DOCK1: variants seen among roughly 807,000 people sequenced by gnomAD.
The protein encoded by DOCK1 is dedicator of cytokinesis 1, also known as dedicator of cytokinesis protein 1.
DOCK1 carries 138 observed loss-of-function variants against 262.7 expected under a neutral mutation model. The ratio of observed to expected loss-of-function variants is 0.53; its 90% CI spans 0.46 to 0.61. The LOEUF (loss-of-function observed/expected upper bound fraction) is 0.61, where lower values mean the gene tolerates loss of function less well. Ranked by LOEUF, DOCK1 falls within the 20% of genes least tolerant of loss-of-function variation. The pLI is 0.00. For synonymous variants in DOCK1, 866 were observed against 867.4 expected (o/e 1.00, Z 0.03); for missense variants, 1,908 against 2,370.7 (o/e 0.80, Z 4.05).
At chr10:127,387,768 A>G (rs1419212609) in intron 38 of DOCK1, among the ~76,000 whole-genome samples, 1 of 152,202 alleles carries the variant, frequency 6.6e-6, no homozygotes, top group African/African-American at 2.4e-5. Flanking sequence ...ATGAAAAGTC[A>G]GCATTTAACA....
chr10:127,041,208 C>A (rs1345560822), intron 19 of DOCK1, among the ~76,000 whole-genome samples: 1 of 152,206 alleles, frequency 6.6e-6, no homozygotes, highest in Non-Finnish European at 1.5e-5. Flanking sequence ...ACTGATTCTC[C>A]TGCCTCAGCC....
At position 127,254,296 on chromosome 10, in the gene DOCK1, A is replaced by G. The variant is rs116992209; in HGVS notation, c.2950-3039A>G. 3.2e-3 allele frequency among the ~76,000 whole-genome samples: 493 copies of G among 152,240 alleles called. 19 individuals are homozygous for G. The East Asian group carries it at 0.074, about 23-fold the overall frequency. On this transcript the variant is annotated intron_variant, in intron 28 of 51. Coordinates refer to ENST00000623213, the MANE Select transcript of DOCK1 (RefSeq NM_001290223.2). The stretch of plus-strand genomic sequence containing the variant: ...GTTTTTTTGAAGAGACCAATCCATT[A>G]GCTTTTGTAGACTATCTCCCATTCT...
At chr10:127,398,833 G>A (rs367968026) in intron 38 of DOCK1, among the ~76,000 whole-genome samples, 2 of 152,160 alleles carry the variant, frequency 1.3e-5, no homozygotes, top group South Asian at 4.1e-4. Flanking sequence ...ATCTGCTGCT[G>A]TTCCCTTGTC....
rs188536576 is a variant in DOCK1 at position 127,306,304 on chromosome 10, C to T, written c.3045-32702C>T. Among the ~76,000 whole-genome samples, 26 of 152,162 alleles carry T rather than the reference C, an allele frequency of 1.7e-4. No individual in the cohort carries two copies. The East Asian group carries it at 3.5e-3, about 20-fold the overall frequency. ...TGCTGGGATTACAGGTGTGAGCCAC[C>T]GTGACCGGCCCATTTTATGCATATT... On this transcript the variant is annotated intron_variant, in intron 29 of 51. Transcript: ENST00000623213.
chr10:126,952,599 G>A (rs1016152913), intron 1 of DOCK1, among the ~76,000 whole-genome samples: 1 of 151,726 alleles, frequency 6.6e-6, no homozygotes, highest in Non-Finnish European at 1.5e-5. Context: ...GGTACTGTTG[G>A]TGATGTTATT....
intron 40 of DOCK1, among the ~76,000 whole-genome samples, 175 bp downstream of exon 40, chr10:127,404,604 G>C (rs550061156): frequency 6.6e-6 from 1 of 152,252 alleles, no homozygotes; most frequent in South Asian, 2.1e-4. Flanking sequence ...GATTTTATTT[G>C]GTTGCATATA....
Position 127,362,100 on chromosome 10 carries a change from G to A in DOCK1, c.3320G>A (p.Gly1107Asp). Reference sequence around the variant, plus strand: ...ATAAAGTTCATTCCAGAAATGGTGGGCCCAATATTAGAAATGACATTAATT... The same window carrying A: ...ATAAAGTTCATTCCAGAAATGGTGGACCCAATATTAGAAATGACATTAATT... Reference protein sequence around the residue: ...HKIKFIPEMVGPILEMTLIPE... With the variant: ...HKIKFIPEMVDPILEMTLIPE... The change falls in exon 33 of 52, where the codon GGC becomes GAC. Residue 1107 changes from glycine (G) to aspartate (D), a missense_variant. Coordinates refer to ENST00000623213, the MANE Select transcript of DOCK1 (RefSeq NM_001290223.2). 2 of 1,613,110 alleles carry A rather than the reference G, an allele frequency of 1.2e-6. No homozygotes were observed. Among genetic ancestry groups the A allele is most frequent in the Non-Finnish European group, 1.7e-6 (2 of 1,179,666 alleles).
At chr10:127,272,852 T>G (rs2060617958) in intron 29 of DOCK1, among the ~76,000 whole-genome samples, 1 of 152,168 alleles carries the variant, frequency 6.6e-6, no homozygotes, top group African/African-American at 2.4e-5. Context: ...GCATGGAAAC[T>G]CTTCTTTTTA....
chr10:127,363,129 T>C (rs970812705), intron 33 of DOCK1, among the ~76,000 whole-genome samples: 1 of 139,572 alleles, frequency 7.2e-6, no homozygotes, highest in Admixed American at 7.5e-5. Flanking sequence ...CTTAGTGTAC[T>C]AATGGTTTGG....
chr10:127,101,422 G>A (rs2048239735), intron 23 of DOCK1, among the ~76,000 whole-genome samples: 1 of 152,206 alleles, frequency 6.6e-6, no homozygotes, highest in Non-Finnish European at 1.5e-5. Flanking sequence ...AGGACTGATA[G>A]CAGATGCGGG....
intron 14 of DOCK1, 77 bp from the exon 15 acceptor site, chr10:127,024,608 C>A (rs541663058): frequency 6.5e-6 from 8 of 1,237,028 alleles, no homozygotes; most frequent in African/African-American, 3.0e-5. Context: ...CCTGTCCCCC[C>A]ACATATATAG....
chr10:127,283,567 A>G (rs570525618), intron 29 of DOCK1, among the ~76,000 whole-genome samples: 10 of 152,108 alleles, frequency 6.6e-5, no homozygotes, highest in Non-Finnish European at 1.0e-4. Flanking sequence ...TATGGTTGCA[A>G]CTCTTCCCAG....
At position 127,207,769 on chromosome 10, in the gene DOCK1, A is replaced by G. The variant is rs146657319; in HGVS notation, c.2848-40239A>G. 2.3e-3 allele frequency among the ~76,000 whole-genome samples: 356 copies of G among 152,350 alleles called. 3 individuals are homozygous for G. In the Middle Eastern group the frequency reaches 0.027, roughly 12 times the overall value. On this transcript the variant is annotated intron_variant, in intron 27 of 51. Transcript: ENST00000623213. ...TGAAGCAGGGAAGCAGCTGTAGAGA[A>G]TATGTAGACAAATGGGCAACTACTG...
At chr10:126,976,110 G>A (rs2038520710) in intron 2 of DOCK1, among the ~76,000 whole-genome samples, 1 of 152,190 alleles carries the variant, frequency 6.6e-6, no homozygotes, top group African/African-American at 2.4e-5. Flanking sequence ...TCATTCAACT[G>A]ACCTTTCTTT....
At chr10:127,392,971 A>G (rs1219703319) in intron 38 of DOCK1, among the ~76,000 whole-genome samples, 1 of 152,180 alleles carries the variant, frequency 6.6e-6, no homozygotes. Flanking sequence ...CTTCCGTCCA[A>G]ATGACTACAG....
intron 1 of DOCK1, among the ~76,000 whole-genome samples, chr10:126,924,342 A>C (rs1591330444): frequency 1.9e-5 from 2 of 105,976 alleles, no homozygotes. Context: ...GGAGGCTGTG[A>C]GTGCTGGAAC....
intron 27 of DOCK1, among the ~76,000 whole-genome samples, chr10:127,224,301 C>T (rs1389941523): frequency 6.6e-6 from 1 of 152,082 alleles, no homozygotes; most frequent in Non-Finnish European, 1.5e-5. Flanking sequence ...TGGCACACAC[C>T]TGTAATCCTA....
At chr10:126,984,684 G>T (rs541602581) in intron 4 of DOCK1, among the ~76,000 whole-genome samples, 1 of 152,144 alleles carries the variant, frequency 6.6e-6, no homozygotes. Flanking sequence ...ATTATTTTTA[G>T]ATTTGACAAA....
At chr10:127,354,825 T>A in intron 32 of DOCK1, 98 bp downstream of exon 32, 1 of 1,435,526 alleles carries the variant, frequency 7.0e-7, no homozygotes, top group South Asian at 1.2e-5. Context: ...CTTAAGATCT[T>A]AATGGCTTCT....
Sources: gnomAD v4.1 joint callset for allele counts (sites outside exome capture counted in the v4.1 genomes callset) on GRCh38, gnomAD v4.1.1 for gene constraint, MANE v1.5 for transcripts, NCBI Gene and HGNC (gene_info 2026-07-23, HGNC 2026-07-21) for gene names.